BEND7: variants seen among roughly 807,000 people sequenced by gnomAD.
BEND7 encodes BEN domain containing 7, also known as BEN domain-containing protein 7.
BEND7 carries 28 observed loss-of-function variants against 50.9 expected under a neutral mutation model. The observed-to-expected ratio is 0.55, with a 90% CI of 0.41 to 0.75. The LOEUF (loss-of-function observed/expected upper bound fraction) is 0.75, where lower values mean the gene tolerates loss of function less well. Among genes scored for constraint, BEND7 ranks in the 30% least tolerant of loss-of-function variants. The pLI is 0.00. For synonymous variants in BEND7, 170 were observed against 183.9 expected (o/e 0.92, Z 0.61); for missense variants, 477 against 491.3 (o/e 0.97, Z 0.28).
chr10:13,514,903 A>G (rs1343086621), intron 2 of BEND7, among the ~76,000 whole-genome samples: 3 of 152,158 alleles, frequency 2.0e-5, no homozygotes, highest in East Asian at 3.8e-4. Context: ...TACATTTCCT[A>G]TGTAGGTGTA....
intron 5 of BEND7, among the ~76,000 whole-genome samples, chr10:13,487,365 C>G (rs2076292771): frequency 6.7e-6 from 1 of 149,714 alleles, no homozygotes; most frequent in South Asian, 2.1e-4. Context: ...CATACATGGC[C>G]TCAATTTCTT....
intron 6 of BEND7, among the ~76,000 whole-genome samples, chr10:13,474,643 C>T (rs1047064000): frequency 2.0e-5 from 3 of 151,566 alleles, no homozygotes; most frequent in Non-Finnish European, 2.9e-5. Context: ...GGACTCGGGT[C>T]GATACCCGTC....
chr10:13,498,078 T>C (rs984212993), intron 3 of BEND7, among the ~76,000 whole-genome samples: 54 of 92,616 alleles, frequency 5.8e-4, no homozygotes, highest in African/African-American at 1.5e-3. Flanking sequence ...TTTCTTTTTT[T>C]TTTTTTTTTT....
Position 13,466,327 on chromosome 10 carries a change from T to C in BEND7, c.1064-13669A>G, listed in dbSNP as rs1214797049. ...CTGTAATCCCAGCACTTTAGGAGGC[T>C]GAGGTGGGCGGATCACCTGGTTAGG... On this transcript the variant is annotated intron_variant, in intron 6 of 8. Coordinates refer to ENST00000466271, the MANE Select transcript of BEND7 (RefSeq NM_001369863.1). Among the ~76,000 whole-genome samples, 3 of 152,128 alleles carry C rather than the reference T, an allele frequency of 2.0e-5. No individual in the cohort carries two copies. In the East Asian group the frequency reaches 5.8e-4, roughly 29 times the overall value.
chr10:13,441,700 C>G lies in BEND7; in HGVS notation c.*43G>C. 1 of 1,612,620 alleles carries G rather than the reference C, an allele frequency of 6.2e-7. No individual in the cohort carries two copies. Among genetic ancestry groups the G allele is most frequent in the South Asian group, 1.1e-5 (1 of 90,632 alleles). Reference sequence around the variant, plus strand: ...GGAGGCAGAGGACGGATTTTAAAACCCATGGTGCAAAAAACACAAGAGCTG... The same window carrying G: ...GGAGGCAGAGGACGGATTTTAAAACGCATGGTGCAAAAAACACAAGAGCTG... On this transcript the variant is annotated 3_prime_UTR_variant, in exon 9 of 9. Coordinates refer to ENST00000466271, the MANE Select transcript of BEND7 (RefSeq NM_001369863.1).
chr10:13,516,504 T>C (rs763195522), intron 2 of BEND7, among the ~76,000 whole-genome samples: 1 of 152,104 alleles, frequency 6.6e-6, no homozygotes, highest in Non-Finnish European at 1.5e-5. Context: ...GGCAGGCAGA[T>C]CGCTTGAAGT....
chr10:13,494,354 T>C (rs1264099789), intron 4 of BEND7, among the ~76,000 whole-genome samples: 1 of 152,084 alleles, frequency 6.6e-6, no homozygotes, highest in Non-Finnish European at 1.5e-5. Flanking sequence ...GAGGCGGAGG[T>C]TGCAGTGAGC....
intron 2 of BEND7, among the ~76,000 whole-genome samples, chr10:13,510,310 A>AT (rs1223183936): frequency 2.6e-5 from 4 of 152,202 alleles, no homozygotes; most frequent in Non-Finnish European, 4.4e-5. Flanking sequence ...CAAAAAGCCC[A>AT]TTTTTGGTGA....
downstream of BEND7, chr10:13,439,052 G>A: frequency 1.0e-6 from 1 of 977,714 alleles, no homozygotes; most frequent in Non-Finnish European, 1.5e-6. Flanking sequence ...GCAAAGGGGA[G>A]AGAGGGCATC....
At chr10:13,527,712 A>C (rs2079521682) in intron 1 of BEND7, 1 of 399,412 alleles carries the variant, frequency 2.5e-6, no homozygotes, top group Admixed American at 6.4e-5. Context: ...ATGGCTCTTG[A>C]GTTATCATTT....
intron 3 of BEND7, among the ~76,000 whole-genome samples, chr10:13,497,638 T>C (rs1405453521): frequency 6.6e-6 from 1 of 152,184 alleles, no homozygotes; most frequent in African/African-American, 2.4e-5. Context: ...ACCTATCTTA[T>C]TCTGTTTCTC....
intron 6 of BEND7, among the ~76,000 whole-genome samples, chr10:13,479,270 A>C (rs1218354489): frequency 6.6e-6 from 1 of 152,048 alleles, no homozygotes; most frequent in Non-Finnish European, 1.5e-5. Flanking sequence ...CGGCCTCCCA[A>C]AGTGCAGGGA....
chr10:13,482,983 G>A lies in BEND7; in HGVS notation c.838-1859C>T, dbSNP rs57807604. 6.2e-3 allele frequency among the ~76,000 whole-genome samples: 947 copies of A among 152,240 alleles called. 8 individuals are homozygous for A. Among genetic ancestry groups the A allele is most frequent in the African/African-American group, 0.022 (920 of 41,546 alleles). On this transcript the variant is annotated intron_variant, in intron 5 of 8. Transcript: ENST00000466271. ...AGTTTTATTTTGCACATCCTATGCT[G>A]CATTTAGAACTTTTGTTCTAAATGA...
Position 13,446,895 on chromosome 10 carries a change from C to T in BEND7, c.1234+371G>A, listed in dbSNP as rs1836451535. 4.9e-5 allele frequency: 14 copies of T among 287,182 alleles called. No individual in the cohort carries two copies. In the South Asian group the frequency reaches 5.2e-4, roughly 11 times the overall value. The allele number at this position is 287,182 out of a possible 1,614,324, so 17.8% of individuals were successfully genotyped here. On this transcript the variant is annotated intron_variant, in intron 8 of 8. Transcript: ENST00000466271. ...GCCGTTTGGAGGAGGTGGGAGAGGA[C>T]AGCCTAGCCATGAATTTGATCACAC...
intron 3 of BEND7, among the ~76,000 whole-genome samples, chr10:13,497,712 T>TA (rs1334503828): frequency 6.6e-6 from 1 of 152,228 alleles, no homozygotes; most frequent in African/African-American, 2.4e-5. Context: ...ACATTGCTCT[T>TA]ACAGTGGGTT....
chr10:13,497,015 G>T, intron 3 of BEND7, 127 bp from the exon 4 acceptor site: 1 of 1,211,192 alleles, frequency 8.3e-7, no homozygotes, highest in Non-Finnish European at 1.1e-6. Flanking sequence ...TTATGATGAA[G>T]CTGTGCCTAA....
At chr10:13,459,128 A>G (rs1403819609) in intron 6 of BEND7, among the ~76,000 whole-genome samples, 1 of 152,212 alleles carries the variant, frequency 6.6e-6, no homozygotes, top group African/African-American at 2.4e-5. Context: ...ATGGTAAACA[A>G]ACAAAGCCAT....
chr10:13,468,618 G>A (rs1298834457), intron 6 of BEND7, among the ~76,000 whole-genome samples: 3 of 152,110 alleles, frequency 2.0e-5, no homozygotes, highest in South Asian at 4.1e-4. Flanking sequence ...GAGAAAGGAG[G>A]GTTAGGCAGG....
At chr10:13,505,644 A>T (rs1437783606) in intron 2 of BEND7, among the ~76,000 whole-genome samples, 1 of 152,148 alleles carries the variant, frequency 6.6e-6, no homozygotes, top group Non-Finnish European at 1.5e-5. Flanking sequence ...CCCCAAAGGG[A>T]CCTGTGCTTG....
Sources: gnomAD v4.1 joint callset for allele counts (sites outside exome capture counted in the v4.1 genomes callset) on GRCh38, gnomAD v4.1.1 for gene constraint, MANE v1.5 for transcripts, NCBI Gene and HGNC (gene_info 2026-07-23, HGNC 2026-07-21) for gene names.